The following LRP5 variants were observed in gnomAD, a reference collection of about 807,000 sequenced individuals.
The protein encoded by LRP5 is low-density lipoprotein receptor-related protein 5.
LRP5 carries 62 observed loss-of-function variants against 154.1 expected under a neutral mutation model. The observed-to-expected ratio is 0.40, with a 90% confidence interval of 0.33 to 0.50. LRP5 has a LOEUF of 0.50. Among genes scored for constraint, LRP5 ranks in the 20% least tolerant of loss-of-function variants. The pLI, the probability that LRP5 is intolerant of heterozygous loss-of-function variation, is 0.55. For missense variants in LRP5, 1,915 were observed against 2,336.7 expected, an observed-to-expected ratio of 0.82 and a Z score of 3.72; for synonymous variants, 966 against 1,011.5, an observed-to-expected ratio of 0.96 and a Z score of 0.85.
chr11:68,372,506 G>GC (rs2098634810), intron 5 of LRP5, among the ~76,000 whole-genome samples: 3 of 152,180 alleles, frequency 2.0e-5, no homozygotes, highest in African/African-American at 4.8e-5. Context: ...CGGGGACTTG[G>GC]AGCACCTAGT....
Position 68,312,743 on chromosome 11 carries a change from GGCC to G in LRP5, c.32_34del (p.Pro11del). 3 of 1,060,618 alleles carry G rather than the reference GGCC, an allele frequency of 2.8e-6. No individual in the cohort carries two copies. The highest frequency in any genetic ancestry group is 1.1e-6 in the Non-Finnish European group (1 of 877,754). The allele number at this position is 1,060,618 out of a possible 1,614,324, so 65.7% of individuals were successfully genotyped here. A position where few individuals can be genotyped will look rare whatever the true frequency, so the allele number is the denominator to read the frequency against. ...GAGGCAGCGCCGCCCGGGCCGCCGT[GGCC>G]GCTGCTGCTGCTGCTGCTGCTGCTG... is the stretch of plus-strand genomic sequence containing the variant. On this transcript the variant is annotated inframe_deletion, in exon 1 of 23. Coordinates refer to ENST00000294304, the MANE Select transcript of LRP5 (RefSeq NM_002335.4).
chr11:68,301,097 T>A, the LRP5 span, among the ~76,000 whole-genome samples: 1 of 147,558 alleles, frequency 6.8e-6, no homozygotes, highest in African/African-American at 2.4e-5. Context: ...GTCTGGCTAA[T>A]TTTTTTGTAT....
intron 1 of LRP5, among the ~76,000 whole-genome samples, chr11:68,337,963 C>G (rs538790665): frequency 6.6e-6 from 1 of 152,210 alleles, no homozygotes; most frequent in Admixed American, 6.5e-5. Flanking sequence ...TCCCCAGGCT[C>G]CAGGCATTAC....
At position 68,449,149 on chromosome 11, in the gene LRP5, G is replaced by A; in HGVS notation, c.*79G>A. 1 of 1,052,372 alleles carries A rather than the reference G, an allele frequency of 9.5e-7. No homozygotes were observed. Among genetic ancestry groups the A allele is most frequent in the Non-Finnish European group, 1.2e-6 (1 of 815,574 alleles). 65.2% of individuals were successfully genotyped at this position (1,052,372 alleles called of 1,614,324 possible). On this transcript the variant is annotated 3_prime_UTR_variant, in exon 23 of 23. Transcript: ENST00000294304. Reference sequence around the variant, plus strand: ...GAACAAAGAAAAAAATATATTTTATGATTTAAAAAATAAATATAATTGGGA... The same window carrying A: ...GAACAAAGAAAAAAATATATTTTATAATTTAAAAAATAAATATAATTGGGA...
At chr11:68,422,697 C>G (rs1591308537) in intron 13 of LRP5, among the ~76,000 whole-genome samples, 1 of 152,216 alleles carries the variant, frequency 6.6e-6, no homozygotes, top group East Asian at 1.9e-4. Flanking sequence ...GCTGCCCTGC[C>G]TTCCCAAGAG....
At chr11:68,346,343 A>C (rs961735493) in intron 1 of LRP5, among the ~76,000 whole-genome samples, 6 of 152,160 alleles carry the variant, frequency 3.9e-5, no homozygotes, top group Admixed American at 3.3e-4. Flanking sequence ...GTGTCCTCCC[A>C]TCCTGTGGAG....
At chr11:68,429,910 A>G (rs2098670995) in intron 17 of LRP5, among the ~76,000 whole-genome samples, 1 of 152,058 alleles carries the variant, frequency 6.6e-6, no homozygotes, top group African/African-American at 2.4e-5. Context: ...CCTGCATCTC[A>G]CAAATTTTGT....
At chr11:68,381,426 T>TC (rs1343307962) in intron 5 of LRP5, among the ~76,000 whole-genome samples, 1 of 152,036 alleles carries the variant, frequency 6.6e-6, no homozygotes, top group East Asian at 1.9e-4. Flanking sequence ...ACGTCGGCCA[T>TC]CCCTTGGGAT....
chr11:68,359,205 C>G (rs910317519), intron 3 of LRP5, among the ~76,000 whole-genome samples: 3 of 152,198 alleles, frequency 2.0e-5, no homozygotes, highest in Non-Finnish European at 4.4e-5. Context: ...AGGGTACACT[C>G]AAGCTCCTGG....
At chr11:68,443,560 TATATATATATATATATATA>T (rs2098679494) in intron 21 of LRP5, among the ~76,000 whole-genome samples, 5 of 37,818 alleles carry the variant, frequency 1.3e-4, no homozygotes, top group African/African-American at 4.8e-4. Context: ...TATATATATA[TATATATATATATATATATA>T]TATATATTTT....
At chr11:68,337,516 A>G (rs117707240) in intron 1 of LRP5, among the ~76,000 whole-genome samples, 12 of 152,208 alleles carry the variant, frequency 7.9e-5, no homozygotes, top group African/African-American at 1.4e-4. Flanking sequence ...TTGTTTTTCA[A>G]TGCTCCAGCT....
chr11:68,321,879 A>C (rs1166590071), intron 1 of LRP5, among the ~76,000 whole-genome samples: 1 of 152,144 alleles, frequency 6.6e-6, no homozygotes, highest in Non-Finnish European at 1.5e-5. Context: ...ATTAATAGCT[A>C]TCTGAGCGTG....
Position 68,433,658 on chromosome 11 carries a change from A to G in LRP5, c.3820A>G (p.Ile1274Val). 1.2e-6 allele frequency: 2 copies of G among 1,613,410 alleles called. No homozygotes were observed. The highest frequency in any genetic ancestry group is 1.7e-6 in the Non-Finnish European group (2 of 1,179,960). ...FACATGEIDC[I>V]PGAWRCDGFP... is the part of the protein sequence containing the mutation. ...ATGTGCCACAGGGGAGATCGACTGT[A>G]TCCCCGGGGCCTGGCGCTGTGACGG... is the stretch of plus-strand genomic sequence containing the variant. The change falls in exon 18 of 23, where the codon ATC becomes GTC. Residue 1274 changes from isoleucine to valine, a missense_variant. Transcript: ENST00000294304.
chr11:68,335,899 T>C (rs2098605429), intron 1 of LRP5, among the ~76,000 whole-genome samples: 1 of 152,124 alleles, frequency 6.6e-6, no homozygotes, highest in African/African-American at 2.4e-5. Flanking sequence ...TGACTCAGTT[T>C]TTTCACACTC....
chr11:68,392,055 C>T (rs2098646639), intron 7 of LRP5, among the ~76,000 whole-genome samples: 1 of 147,492 alleles, frequency 6.8e-6, no homozygotes. Context: ...GCTGTGGTGC[C>T]CAAGCTGATC....
intron 3 of LRP5, among the ~76,000 whole-genome samples, chr11:68,359,785 T>G (rs1461634994): frequency 6.6e-6 from 1 of 151,278 alleles, no homozygotes. Context: ...TTTGTTTGTT[T>G]GTTTGTTTTT....
At chr11:68,303,650 C>T in the LRP5 span, among the ~76,000 whole-genome samples, 2 of 152,182 alleles carry the variant, frequency 1.3e-5, no homozygotes, top group Non-Finnish European at 2.9e-5. Context: ...TGCGCCACCA[C>T]ACCAAGCTAA....
intron 7 of LRP5, among the ~76,000 whole-genome samples, chr11:68,399,075 AT>A (rs1216523832): frequency 2.6e-5 from 4 of 151,764 alleles, no homozygotes; most frequent in African/African-American, 9.7e-5. Flanking sequence ...GCCTCTAGCG[AT>A]TTGGGAGGCT....
intron 1 of LRP5, among the ~76,000 whole-genome samples, chr11:68,343,799 T>C (rs2098610528): frequency 1.3e-5 from 2 of 152,248 alleles, no homozygotes; most frequent in Non-Finnish European, 1.5e-5. Context: ...CTGGGCGTGA[T>C]TCCTGTGTGC....
Sources: gnomAD v4.1 joint callset for allele counts (sites outside exome capture counted in the v4.1 genomes callset) on GRCh38, gnomAD v4.1.1 for gene constraint, MANE v1.5 for transcripts, NCBI Gene and HGNC (gene_info 2026-07-23, HGNC 2026-07-21) for gene names.